Variants in CRTAC1 observed in about 807,000 individuals in gnomAD.
The protein encoded by CRTAC1 is acidic secreted protein in cartilage.
In CRTAC1, 37 loss-of-function variants were observed where a neutral mutation model predicts 67.8. That is an observed-to-expected ratio of 0.55 (90% CI 0.42 to 0.72). CRTAC1 has a LOEUF of 0.72. CRTAC1 is among the 30% of genes least tolerant of loss of function. CRTAC1 has a pLI of 0.00. For missense variants in CRTAC1, 780 were observed against 931.6 expected (o/e 0.84, Z 2.12); for synonymous variants, 348 against 371.0 (o/e 0.94, Z 0.71).
intron 2 of CRTAC1, among the ~76,000 whole-genome samples, chr10:97,957,548 T>G (rs2136638952): frequency 6.6e-6 from 1 of 152,272 alleles, no homozygotes. Context: ...GTTAGGGAAT[T>G]TGCCTGAGGC....
At chr10:97,896,031 C>A (rs747959458) in intron 9 of CRTAC1, 46 bp from the exon 10 acceptor site, 15 of 1,552,858 alleles carry the variant, frequency 9.7e-6, no homozygotes, top group Non-Finnish European at 1.2e-5. Flanking sequence ...CCAGGAGACC[C>A]ACAAAGGAGA....
At chr10:97,888,482 T>C (rs1180878205) in intron 11 of CRTAC1, among the ~76,000 whole-genome samples, 1 of 152,068 alleles carries the variant, frequency 6.6e-6, no homozygotes, top group South Asian at 2.1e-4. Context: ...GGTGGGAATG[T>C]GTATCAGAGG....
At chr10:97,882,414 A>G (rs2050227546) in intron 13 of CRTAC1, among the ~76,000 whole-genome samples, 1 of 152,196 alleles carries the variant, frequency 6.6e-6, no homozygotes, top group South Asian at 2.1e-4. Context: ...TTGGCAATGC[A>G]CACCCTTGCC....
intron 2 of CRTAC1, among the ~76,000 whole-genome samples, chr10:97,950,244 CACAGAGAGAGAGAGAG>C (rs1193394063): frequency 8.0e-5 from 9 of 112,128 alleles, no homozygotes; most frequent in African/African-American, 3.5e-4. Flanking sequence ...CACACACACA[CACAGAGAGAGAGAGAG>C]AGAGAGAGAG....
At chr10:97,989,009 G>C (rs1246325187) in intron 2 of CRTAC1, among the ~76,000 whole-genome samples, 1 of 152,188 alleles carries the variant, frequency 6.6e-6, no homozygotes, top group Non-Finnish European at 1.5e-5. Context: ...GGCATGAGTA[G>C]AAAAACACGC....
intron 2 of CRTAC1, among the ~76,000 whole-genome samples, chr10:97,998,052 C>T (rs757905261): frequency 6.6e-6 from 1 of 152,120 alleles, no homozygotes; most frequent in Non-Finnish European, 1.5e-5. Context: ...CTCAATGCCA[C>T]CTTGATTTCC....
chr10:97,906,227 A>G (rs116352858), intron 6 of CRTAC1, among the ~76,000 whole-genome samples: 409 of 152,268 alleles, frequency 2.7e-3, no homozygotes, highest in African/African-American at 9.0e-3. Context: ...GCAGAGGACT[A>G]GGGGCAGCCT....
intron 2 of CRTAC1, among the ~76,000 whole-genome samples, chr10:97,951,832 A>G (rs145266588): frequency 6.6e-6 from 1 of 152,306 alleles, no homozygotes; most frequent in African/African-American, 2.4e-5. Context: ...TTGCTACTCA[A>G]ACTGTGGAGT....
chr10:97,920,235 T>A (rs1367595301), intron 4 of CRTAC1, among the ~76,000 whole-genome samples: 1 of 152,196 alleles, frequency 6.6e-6, no homozygotes, highest in East Asian at 1.9e-4. Flanking sequence ...TGGACTGAAA[T>A]TCACTCTGCT....
chr10:97,966,497 C>G (rs747081167), intron 2 of CRTAC1, among the ~76,000 whole-genome samples: 9 of 152,240 alleles, frequency 5.9e-5, no homozygotes, highest in Non-Finnish European at 1.0e-4. Context: ...AGTTCCCACA[C>G]ATGCCCTGCC....
intron 2 of CRTAC1, among the ~76,000 whole-genome samples, chr10:98,002,046 C>A (rs1842698378): frequency 6.6e-6 from 1 of 152,212 alleles, no homozygotes; most frequent in Non-Finnish European, 1.5e-5. Flanking sequence ...TCAGCCTCAG[C>A]TCTCTCCTGC....
chr10:97,974,249 G>T (rs61875767), intron 2 of CRTAC1, among the ~76,000 whole-genome samples: 9 of 152,140 alleles, frequency 5.9e-5, no homozygotes, highest in Non-Finnish European at 1.3e-4. Context: ...AGCGCCTGTC[G>T]GTGTGTAGTA....
At chr10:97,896,857 A>G in intron 9 of CRTAC1, 52 bp downstream of exon 9, 1 of 397,142 alleles carries the variant, frequency 2.5e-6, no homozygotes, top group East Asian at 9.4e-5. Flanking sequence ...ACCCCAGTGT[A>G]TGAACAGTGC....
intron 2 of CRTAC1, among the ~76,000 whole-genome samples, chr10:98,010,200 C>T (rs1341904667): frequency 6.6e-6 from 1 of 152,072 alleles, no homozygotes; most frequent in Non-Finnish European, 1.5e-5. Flanking sequence ...CCACCATGCC[C>T]AGCTAATTTT....
In CRTAC1 at chr10:97,923,401, C is replaced by G. The variant is rs1365677765; in HGVS notation, c.422-1G>C. ...AACTTGTCGGTGTACGTGGCCACCC[C>G]TGGAGAGAGGAGGAAAGGGAGGGCT... On this transcript the variant is annotated splice_acceptor_variant, in intron 3 of 14. Coordinates refer to ENST00000370597, the MANE Select transcript of CRTAC1 (RefSeq NM_018058.7). LOFTEE classifies it high-confidence loss of function. The G allele has an allele frequency of 6.2e-7, 1 of 1,614,112 alleles. No individual in the cohort carries two copies. The highest frequency in any genetic ancestry group is 2.2e-5 in the East Asian group (1 of 44,864).
At chr10:98,006,836 T>C (rs574831489) in intron 2 of CRTAC1, among the ~76,000 whole-genome samples, 1 of 152,330 alleles carries the variant, frequency 6.6e-6, no homozygotes, top group African/African-American at 2.4e-5. Flanking sequence ...GGACCTGTCA[T>C]GAACTGAACC....
chr10:97,894,091 C>T (rs72837937), intron 11 of CRTAC1, among the ~76,000 whole-genome samples: 3,226 of 152,248 alleles, frequency 0.021, 54 homozygotes, highest in Middle Eastern at 0.058. Context: ...AGTTTTCATT[C>T]GTGTGAGATA....
chr10:97,987,822 C>A (rs1405905320), intron 2 of CRTAC1, among the ~76,000 whole-genome samples: 3 of 152,192 alleles, frequency 2.0e-5, no homozygotes, highest in Non-Finnish European at 4.4e-5. Flanking sequence ...TATGTGTCTG[C>A]TCAGCACTCT....
intron 1 of CRTAC1, among the ~76,000 whole-genome samples, chr10:98,012,646 C>T (rs113244779): frequency 0.016 from 2,428 of 152,260 alleles, 63 homozygotes; most frequent in African/African-American, 0.055. Flanking sequence ...ATGCTCCTGC[C>T]GGCAAATGAG....
Sources: gnomAD v4.1 joint callset for allele counts (sites outside exome capture counted in the v4.1 genomes callset) on GRCh38, gnomAD v4.1.1 for gene constraint, MANE v1.5 for transcripts, NCBI Gene and HGNC (gene_info 2026-07-23, HGNC 2026-07-21) for gene names.